Variants in ZNF560 observed in about 807,000 individuals in gnomAD.
ZNF560 encodes zinc finger protein 560.
In ZNF560, 54 loss-of-function variants were observed where a neutral mutation model predicts 81.8. That is an observed-to-expected ratio of 0.66 (90% confidence interval 0.53 to 0.83). The LOEUF (loss-of-function observed/expected upper bound fraction) is 0.83. Among genes scored for constraint, ZNF560 ranks in the 40% least tolerant of loss-of-function variants. The pLI is 0.00. For synonymous variants in ZNF560, 321 were observed against 317.9 expected (o/e 1.01, Z -0.10); for missense variants, 940 against 932.4 (o/e 1.01, Z -0.11).
intron 3 of ZNF560, among the ~76,000 whole-genome samples, chr19:9,474,823 ATTTTTTTTTT>A (rs35450965): frequency 2.3e-5 from 2 of 85,684 alleles, no homozygotes; most frequent in African/African-American, 9.0e-5. Flanking sequence ...CATGCCTGGC[ATTTTTTTTTT>A]TTTTTTTTTT....
At chr19:9,496,719 C>T (rs553921300) in intron 2 of ZNF560, among the ~76,000 whole-genome samples, 8 of 151,402 alleles carry the variant, frequency 5.3e-5, no homozygotes, top group Non-Finnish European at 4.4e-5. Context: ...AGGCGGATCA[C>T]GAGGTCAGGA....
chr19:9,474,097 T>C, intron 4 of ZNF560, 102 bp downstream of exon 4: 2 of 1,348,818 alleles, frequency 1.5e-6, no homozygotes, highest in South Asian at 1.2e-5. Context: ...AGGGACAACG[T>C]CTCTGGTGAA....
Position 9,469,149 on chromosome 19 carries a change from A to G in ZNF560, c.568T>C (p.Trp190Arg). ...MCLKTKGPAL[W>R]QDNFCLKTLN... ...GTTTTTAAACAAAAATTATCTTGCCAAAGGGCTGGCCCTTTGGTTTTCAGG... is the reference window on the plus strand; with the variant it reads ...GTTTTTAAACAAAAATTATCTTGCCGAAGGGCTGGCCCTTTGGTTTTCAGG... The change falls in exon 9 of 10, where the codon TGG becomes CGG. Residue 190 changes from tryptophan (W) to arginine (R), a missense_variant. Transcript: ENST00000301480. 6.3e-7 allele frequency: 1 copy of G among 1,599,516 alleles called. No individual in the cohort carries two copies. The highest frequency in any genetic ancestry group is 8.5e-7 in the Non-Finnish European group (1 of 1,174,608).
At chr19:9,475,154 A>T in intron 3 of ZNF560, 130 bp downstream of exon 3, 1 of 897,358 alleles carries the variant, frequency 1.1e-6, no homozygotes, top group Non-Finnish European at 1.7e-6. Flanking sequence ...GAAATTCAAC[A>T]AGTGACTCAG....
At chr19:9,485,806 G>A (rs544655926) in intron 2 of ZNF560, among the ~76,000 whole-genome samples, 1 of 152,218 alleles carries the variant, frequency 6.6e-6, no homozygotes, top group South Asian at 2.1e-4. Flanking sequence ...AAAGTACTGG[G>A]ATTACAGGCA....
intron 3 of ZNF560, 126 bp downstream of exon 3, chr19:9,475,158 G>T: frequency 1.1e-6 from 1 of 926,568 alleles, no homozygotes; most frequent in Non-Finnish European, 1.7e-6. Context: ...TTCAACAAGT[G>T]ACTCAGTGCT....
chr19:9,491,707 T>C (rs1053445383), intron 2 of ZNF560, among the ~76,000 whole-genome samples: 9 of 150,094 alleles, frequency 6.0e-5, no homozygotes, highest in Non-Finnish European at 1.0e-4. Flanking sequence ...GCGTCTGTAG[T>C]CCCAGCTACT....
the ZNF560 span, among the ~76,000 whole-genome samples, chr19:9,504,325 C>T: frequency 6.6e-6 from 1 of 152,054 alleles, no homozygotes; most frequent in African/African-American, 2.4e-5. Flanking sequence ...ATCCCAGCTA[C>T]TTGGGAGGCT....
chr19:9,506,150 G>A, the ZNF560 span, among the ~76,000 whole-genome samples: 12 of 149,892 alleles, frequency 8.0e-5, no homozygotes, highest in Admixed American at 2.0e-4. Flanking sequence ...GCACCACCAC[G>A]CCTGGGTGAT....
At chr19:9,468,736 T>C (rs931298915) in intron 9 of ZNF560, among the ~76,000 whole-genome samples, 3 of 151,008 alleles carry the variant, frequency 2.0e-5, no homozygotes, top group African/African-American at 7.3e-5. Flanking sequence ...TTTTTTTTTT[T>C]TTTTTTTTTG....
chr19:9,483,489 G>A (rs1193699171), intron 2 of ZNF560, among the ~76,000 whole-genome samples: 1 of 150,748 alleles, frequency 6.6e-6, no homozygotes, highest in African/African-American at 2.4e-5. Context: ...CCAGGAGGTG[G>A]GGGGTCAGCC....
At chr19:9,501,793 C>T (rs1460058875), upstream of ZNF560, among the ~76,000 whole-genome samples, 1 of 152,108 alleles carries the variant, frequency 6.6e-6, no homozygotes, top group Non-Finnish European at 1.5e-5. Context: ...AGCCACCACT[C>T]CCAGCAAGAG....
chr19:9,466,251 CAGG>C (rs1164806321), downstream of ZNF560, among the ~76,000 whole-genome samples: 2 of 151,264 alleles, frequency 1.3e-5, no homozygotes, highest in Non-Finnish European at 2.9e-5. Flanking sequence ...GAGACTAAAG[CAGG>C]AGAATTGCTT....
At chr19:9,500,669 G>T (rs918621557), upstream of ZNF560, among the ~76,000 whole-genome samples, 1 of 151,396 alleles carries the variant, frequency 6.6e-6, no homozygotes, top group African/African-American at 2.4e-5. Context: ...CACCTCCCGG[G>T]TTCAAGCAAT....
chr19:9,451,661 A>G, the ZNF560 span, among the ~76,000 whole-genome samples: 42 of 152,234 alleles, frequency 2.8e-4, no homozygotes, highest in Admixed American at 1.2e-3. Context: ...AAAAGAAACT[A>G]TCAAGAGAGT....
At chr19:9,463,214 T>C (rs1196588694), downstream of ZNF560, among the ~76,000 whole-genome samples, 3 of 152,108 alleles carry the variant, frequency 2.0e-5, no homozygotes, top group East Asian at 5.8e-4. Flanking sequence ...AAATTCAGTA[T>C]ACAAAGATCA....
chr19:9,459,464 T>A, the ZNF560 span, among the ~76,000 whole-genome samples: 1 of 151,916 alleles, frequency 6.6e-6, no homozygotes, highest in African/African-American at 2.4e-5. Flanking sequence ...TGGGTGCCAT[T>A]GAGACATCTA....
chr19:9,463,888 GC>G (rs1242000283), downstream of ZNF560, among the ~76,000 whole-genome samples: 1 of 152,068 alleles, frequency 6.6e-6, no homozygotes, highest in Non-Finnish European at 1.5e-5. Flanking sequence ...TTGCCATGTT[GC>G]CCGGGCTGGT....
Position 9,473,199 on chromosome 19 carries a change from A to G in ZNF560, c.218T>C (p.Leu73Ser), listed in dbSNP as rs751676300. 3.1e-6 allele frequency: 5 copies of G among 1,613,982 alleles called. No individual in the cohort carries two copies. In the Admixed American group the frequency reaches 8.3e-5, roughly 27 times the overall value. Residue 73 changes from leucine to serine, a missense_variant, in exon 5 of 10, where the codon TTG (leucine) becomes TCG (serine). By Grantham distance (145) the Leu-to-Ser change is moderately radical. Coordinates refer to ENST00000301480, the MANE Select transcript of ZNF560 (RefSeq NM_152476.3). ...CTCACCTTGGAGAACTCCTTGCTGC[A>G]AGGTTCTCAACTCTTCTTCTTCCAA... ...SWLEEEELRT[L>S]QQGVLQDWAI...
Sources: gnomAD v4.1 joint callset for allele counts (sites outside exome capture counted in the v4.1 genomes callset) on GRCh38, gnomAD v4.1.1 for gene constraint, MANE v1.5 for transcripts, NCBI Gene and HGNC (gene_info 2026-07-23, HGNC 2026-07-21) for gene names.